The following WDR90 variants were observed in gnomAD, a reference collection of about 807,000 sequenced individuals.
WDR90 encodes the protein WD repeat-containing protein 90.
WDR90 carries 238 observed loss-of-function variants against 195.2 expected under a neutral mutation model. The ratio of observed to expected loss-of-function variants is 1.22; its 90% CI spans 1.10 to 1.36. WDR90 has a LOEUF of 1.36. Among genes scored for constraint, WDR90 ranks in the 40% most tolerant of loss-of-function variants. WDR90 has a pLI of 0.00. For synonymous variants in WDR90, 1,265 were observed against 1,052.4 expected, an observed-to-expected ratio of 1.20 and a Z score of -3.91; for missense variants, 2,734 against 2,439.5, an observed-to-expected ratio of 1.12 and a Z score of -2.54.
chr16:665,856 C>A, intron 35 of WDR90, 55 bp downstream of exon 35: 2 of 1,552,266 alleles, frequency 1.3e-6, no homozygotes, highest in South Asian at 1.2e-5. Flanking sequence ...CAGTGGGGGG[C>A]CTGGCATGGG....
At position 661,086 on chromosome 16, in the gene WDR90, G is replaced by T. The variant is rs747465378; in HGVS notation, c.3427G>T (p.Val1143Leu). The T allele has an allele frequency of 2.4e-5, 36 of 1,492,880 alleles. No homozygotes were observed. Among genetic ancestry groups the T allele is most frequent in the Non-Finnish European group, 3.2e-5 (36 of 1,138,266 alleles). 92.5% of individuals were successfully genotyped at this position (1,492,880 alleles called of 1,614,324 possible). A position where few individuals can be genotyped will look rare whatever the true frequency, so the allele number is the denominator to read the frequency against. Residue 1143 changes from valine to leucine, a missense_variant, in exon 29 of 41, where the codon GTG (valine) becomes TTG (leucine). Transcript: ENST00000293879. The stretch of plus-strand genomic sequence containing the variant: ...CTACACGTGCGGCCGCCTGGTGGTG[G>T]TGGAGGACCTGCACTCTGGCGCCCA... ...FAYTCGRLVV[V>L]EDLHSGAQQH...
Position 652,063 on chromosome 16 carries a change from C to T in WDR90, c.1053+24C>T, listed in dbSNP as rs774879897. On this transcript the variant is annotated intron_variant, in intron 9 of 40. Transcript: ENST00000293879. ...AAGTGAGTGCCCATCCCACAGCAGG[C>T]GGGGCCTGGTGAGGTGTGGGCTGGG... 1.5e-5 allele frequency: 23 copies of T among 1,564,786 alleles called. No individual in the cohort carries two copies. Among genetic ancestry groups the T allele is most frequent in the African/African-American group, 8.1e-5 (6 of 73,978 alleles).
intron 21 of WDR90, 136 bp from the exon 22 acceptor site, chr16:658,047 G>A: frequency 6.9e-7 from 1 of 1,453,888 alleles, no homozygotes; most frequent in South Asian, 1.4e-5. Context: ...CCCACGTGCG[G>A]CCAGGTTCCT....
At chr16:663,965 T>C (rs1021649623) in intron 34 of WDR90, among the ~76,000 whole-genome samples, 1 of 152,244 alleles carries the variant, frequency 6.6e-6, no homozygotes, top group Non-Finnish European at 1.5e-5. Flanking sequence ...TTTTCCTTGA[T>C]GCTGAGTCCC....
intron 23 of WDR90, 102 bp from the exon 24 acceptor site, chr16:658,786 TGTGCCTCC>T: frequency 6.4e-7 from 1 of 1,554,396 alleles, no homozygotes; most frequent in Non-Finnish European, 8.7e-7. Context: ...AAGGATCCTC[TGTGCCTCC>T]GGGGCCTCAC....
rs778591354 is a variant in WDR90, at chr16:657,906, C to A, written c.2604+14C>A. ...TCCCTTGATGAGGTGAGTCCGCAGC[C>A]CTCCTGGGTCCAGGGAGACTGGGCC... On this transcript the variant is annotated intron_variant, in intron 21 of 40. Transcript: ENST00000293879. 6.5e-7 allele frequency: 1 copy of A among 1,547,194 alleles called. No homozygotes were observed. Among genetic ancestry groups the A allele is most frequent in the East Asian group, 2.4e-5 (1 of 42,438 alleles).
In WDR90 at chr16:663,041, C is replaced by T. The variant is rs565387992; in HGVS notation, c.4311+197C>T. 1.4e-4 allele frequency: 115 copies of T among 814,050 alleles called. No homozygotes were observed. The East Asian group carries it at 2.8e-3, about 20-fold the overall frequency. The allele number at this position is 814,050 out of a possible 1,614,324, so 50.4% of individuals were successfully genotyped here. On this transcript the variant is annotated intron_variant, in intron 34 of 40. Transcript: ENST00000293879. Reference sequence around the variant, plus strand: ...GCCGTCCCGGTTGTGTCTGCACAAGCGAGCCGCCTGGCAGGCCTTGCAGGT... The same window carrying T: ...GCCGTCCCGGTTGTGTCTGCACAAGTGAGCCGCCTGGCAGGCCTTGCAGGT...
At chr16:661,300 A>G in intron 29 of WDR90, 42 bp from the exon 30 acceptor site, 3 of 1,550,960 alleles carry the variant, frequency 1.9e-6, no homozygotes, top group Non-Finnish European at 2.6e-6. Context: ...CACTCCAGCC[A>G]GCCACGGCCT....
chr16:667,745 C>A lies in WDR90; in HGVS notation c.*156C>A, dbSNP rs530857963. On this transcript the variant is annotated 3_prime_UTR_variant, in exon 41 of 41. Coordinates refer to ENST00000293879, the MANE Select transcript of WDR90 (RefSeq NM_145294.5). ...GAGCAAGCTGTTGTAAATTTGGCGC[C>A]CTGTGAATACTTTCATACCTGTTGC... is the stretch of plus-strand genomic sequence containing the variant. The A allele has an allele frequency of 4.9e-5, 53 of 1,089,940 alleles. No individual in the cohort carries two copies. In the South Asian group the frequency reaches 6.6e-4, roughly 14 times the overall value. The allele number at this position is 1,089,940 out of a possible 1,614,324, so 67.5% of individuals were successfully genotyped here.
At position 666,321 on chromosome 16, in the gene WDR90, A is replaced by G. The variant is rs201030101; in HGVS notation, c.4711A>G (p.Ile1571Val). The change falls in exon 37 of 41, where the codon ATC becomes GTC. Residue 1571 changes from isoleucine to valine, a missense_variant. By Grantham distance (29) the Ile-to-Val change is conservative. Coordinates refer to ENST00000293879, the MANE Select transcript of WDR90 (RefSeq NM_145294.5). The stretch of plus-strand genomic sequence containing the variant: ...GCTGAGTGACCACCAGGGCGCCCCA[A>G]TCTCTACCATCTGTGTCACGTGCAA... ...RVLSDHQGAP[I>V]STICVTCKEC... 9.2e-4 allele frequency: 1,483 copies of G among 1,612,634 alleles called. 3 individuals are homozygous for G. Among genetic ancestry groups the G allele is most frequent in the Non-Finnish European group, 1.2e-3 (1,400 of 1,179,968 alleles).
At chr16:660,334 G>A (rs1360455751) in intron 27 of WDR90, among the ~76,000 whole-genome samples, 173 bp downstream of exon 27, 1 of 151,962 alleles carries the variant, frequency 6.6e-6, no homozygotes, top group South Asian at 2.1e-4. Flanking sequence ...CCTGCCCTCC[G>A]CTGGCCTCCA....
rs745308705 is a variant in WDR90 at position 666,277 on chromosome 16, C to A, written c.4667C>A (p.Thr1556Lys). The A allele has an allele frequency of 1.2e-6, 2 of 1,612,760 alleles. No homozygotes were observed. Among genetic ancestry groups the A allele is most frequent in the South Asian group, 2.2e-5 (2 of 91,092 alleles). Residue 1556 changes from threonine to lysine, a missense_variant, in exon 37 of 41, where the codon ACA becomes AAA. By Grantham distance (78) the Thr-to-Lys change is moderately conservative. Coordinates refer to ENST00000293879, the MANE Select transcript of WDR90 (RefSeq NM_145294.5). ...CTCGTGGCTGTGAGCCACCCCTGCA[C>A]AGGGACAACCTTCCGTGTGCTGAGT... Reference protein sequence around the residue: ...DGLVAVSHPCTGTTFRVLSDH... With the variant: ...DGLVAVSHPCKGTTFRVLSDH...
At position 660,130 on chromosome 16, in the gene WDR90, C is replaced by T. The variant is rs1238684561; in HGVS notation, c.3257C>T (p.Ala1086Val). ...GCTTCCTGCAAGGCCTTCACGCCTG[C>T]CAGGGTCAGCTGCAGCCCCCACTCT... Reference protein sequence around the residue: ...YLASCKAFTPARVSCSPHSAK... With the variant: ...YLASCKAFTPVRVSCSPHSAK... The change falls in exon 27 of 41, where the codon GCC becomes GTC. Residue 1086 changes from alanine (A) to valine (V), a missense_variant. Ala to Val is a moderately conservative substitution (Grantham distance 64). Transcript: ENST00000293879. 1.9e-6 allele frequency: 3 copies of T among 1,539,872 alleles called. No individual in the cohort carries two copies. The highest frequency in any genetic ancestry group is 2.6e-6 in the Non-Finnish European group (3 of 1,140,084).
chr16:653,895 T>C (rs1336241983), intron 13 of WDR90, 92 bp downstream of exon 13: 4 of 1,491,150 alleles, frequency 2.7e-6, no homozygotes, highest in Non-Finnish European at 2.7e-6. Flanking sequence ...TCCAGCTTCA[T>C]GTGACCCTGG....
Position 653,585 on chromosome 16 carries a change from C to T in WDR90, c.1294C>T (p.Pro432Ser), listed in dbSNP as rs1414306908. The T allele has an allele frequency of 1.2e-6, 2 of 1,613,550 alleles. No homozygotes were observed. Among genetic ancestry groups the T allele is most frequent in the Admixed American group, 1.7e-5 (1 of 60,024 alleles). The change falls in exon 12 of 41, where the codon CCT becomes TCT. Residue 432 changes from proline (P) to serine (S), a missense_variant. Coordinates refer to ENST00000293879, the MANE Select transcript of WDR90 (RefSeq NM_145294.5). ...SLLASAQARA[P>S]SVMRLWDFQT... ...ATTGGCCTCGGCCCAGGCAAGGGCCCCTAGTGTGATGCGGCTCTGGGACTT... is the reference window on the plus strand; with the variant it reads ...ATTGGCCTCGGCCCAGGCAAGGGCCTCTAGTGTGATGCGGCTCTGGGACTT...
chr16:655,557 C>T lies in WDR90; in HGVS notation c.1719-16C>T. ...TTCCCTGAGGGCCTCACCTTCCCTGCCGCCTCCTCGGGCAGCTTCGTGTGC... is the reference window on the plus strand; with the variant it reads ...TTCCCTGAGGGCCTCACCTTCCCTGTCGCCTCCTCGGGCAGCTTCGTGTGC... On this transcript the variant is annotated splice_polypyrimidine_tract_variant and intron_variant, in intron 15 of 40. Transcript: ENST00000293879. 1 of 1,572,216 alleles carries T rather than the reference C, an allele frequency of 6.4e-7. No individual in the cohort carries two copies. Among genetic ancestry groups the T allele is most frequent in the Non-Finnish European group, 8.6e-7 (1 of 1,157,112 alleles).
Position 651,855 on chromosome 16 carries a change from C to T in WDR90, c.869C>T (p.Pro290Leu). Residue 290 changes from proline (P) to leucine (L), a missense_variant, in exon 9 of 41, where the codon CCC (proline) becomes CTC (leucine). Transcript: ENST00000293879. ...ASGRAALAPR[P>L]FPEVSLSQER... ...GGCCGGGCCGCCTTGGCACCCAGGC[C>T]CTTCCCGGAGGTCAGCCTGTCCCAA... is the stretch of plus-strand genomic sequence containing the variant. 1.2e-6 allele frequency: 2 copies of T among 1,610,354 alleles called. No individual in the cohort carries two copies. Among genetic ancestry groups the T allele is most frequent in the Non-Finnish European group, 1.7e-6 (2 of 1,179,834 alleles).
chr16:660,951 C>CCTCAGGCGCCGCCCCCTGT, intron 28 of WDR90, 100 bp from the exon 29 acceptor site: 1 of 394,696 alleles, frequency 2.5e-6, no homozygotes. Flanking sequence ...CGCCCCACGG[C>CCTCAGGCGCCGCCCCCTGT]TCGGCCCAGG....
intron 21 of WDR90, 64 bp from the exon 22 acceptor site, chr16:658,119 G>A: frequency 6.4e-7 from 1 of 1,560,120 alleles, no homozygotes; most frequent in Non-Finnish European, 8.7e-7. Flanking sequence ...TCCCGAGCCT[G>A]ACCCTGGGTG....
Sources: gnomAD v4.1 joint callset for allele counts (sites outside exome capture counted in the v4.1 genomes callset) on GRCh38, gnomAD v4.1.1 for gene constraint, MANE v1.5 for transcripts, NCBI Gene and HGNC (gene_info 2026-07-23, HGNC 2026-07-21) for gene names.